SLCO2A1: variants seen among roughly 807,000 people sequenced by gnomAD.
The protein encoded by SLCO2A1 is solute carrier organic anion transporter family member 2A1, also known as matrin F/G 1.
SLCO2A1 carries 60 observed loss-of-function variants against 71.7 expected under a neutral mutation model. That is an observed-to-expected ratio of 0.84 (90% confidence interval 0.68 to 1.04). The LOEUF (loss-of-function observed/expected upper bound fraction) is 1.04. Among genes scored for constraint, SLCO2A1 ranks in the 50% least tolerant of loss-of-function variants. The pLI, the probability that SLCO2A1 is intolerant of heterozygous loss-of-function variation, is 0.00. For synonymous variants in SLCO2A1, 308 were observed against 326.7 expected, an observed-to-expected ratio of 0.94 and a Z score of 0.62; for missense variants, 745 against 813.4, an observed-to-expected ratio of 0.92 and a Z score of 1.02.
chr3:133,942,760 C>A lies in SLCO2A1; in HGVS notation c.1470G>T (p.Leu490Phe). 6.2e-7 allele frequency: 1 copy of A among 1,601,550 alleles called. No individual in the cohort carries two copies. Among genetic ancestry groups the A allele is most frequent in the Non-Finnish European group, 8.5e-7 (1 of 1,173,568 alleles). Residue 490 changes from leucine (L) to phenylalanine (F), a missense_variant, in exon 11 of 14, where the codon TTG (leucine) becomes TTT (phenylalanine). Physicochemically the swap from Leu to Phe is conservative, Grantham distance 22 (BLOSUM62 0). Transcript: ENST00000310926. ...SSATSKQLIY[L>F]NCSCVTGGSA... ...ATCCCCCGGTCACACAGCTGCAGTT[C>A]AAATAGATCTTCAAGAGGAAGGGGA...
intron 1 of SLCO2A1, among the ~76,000 whole-genome samples, chr3:133,987,709 G>C (rs1019663701): frequency 3.9e-5 from 6 of 152,214 alleles, no homozygotes; most frequent in African/African-American, 7.2e-5. Flanking sequence ...AAATATCTTA[G>C]AGTTTGACTC....
At chr3:134,004,260 T>G (rs151267395) in intron 1 of SLCO2A1, among the ~76,000 whole-genome samples, 18 of 152,356 alleles carry the variant, frequency 1.2e-4, no homozygotes, top group Non-Finnish European at 2.2e-4. Flanking sequence ...GGATTTTGTA[T>G]ATGTGATTAA....
In SLCO2A1 at chr3:134,029,704, C is replaced by T. The variant is rs1260140648; in HGVS notation, c.96+3G>A. The T allele has an allele frequency of 2.5e-6, 4 of 1,584,406 alleles. No homozygotes were observed. Among genetic ancestry groups the T allele is most frequent in the Non-Finnish European group, 2.6e-6 (3 of 1,170,070 alleles). On this transcript the variant is annotated splice_donor_region_variant and intron_variant, in intron 1 of 13. Transcript: ENST00000310926. ...CCCGGAAGACCCCGCGGACTCCGCTCACCTTAATGTTGCCGAAGACCGAGC... is the reference window on the plus strand; with the variant it reads ...CCCGGAAGACCCCGCGGACTCCGCTTACCTTAATGTTGCCGAAGACCGAGC...
chr3:133,954,213 A>AGAGC (rs970368982), intron 4 of SLCO2A1, among the ~76,000 whole-genome samples: 2 of 134,284 alleles, frequency 1.5e-5, no homozygotes, highest in African/African-American at 2.9e-5. Flanking sequence ...CCCATGCTGG[A>AGAGC]GAGCAATGGT....
At position 133,948,529 on chromosome 3, in the gene SLCO2A1, G is replaced by A. The variant is rs1438546445; in HGVS notation, c.1105+7C>T. The A allele has an allele frequency of 6.2e-7, 1 of 1,612,068 alleles. No homozygotes were observed. Among genetic ancestry groups the A allele is most frequent in the Non-Finnish European group, 8.5e-7 (1 of 1,179,072 alleles). On this transcript the variant is annotated splice_region_variant and intron_variant, in intron 8 of 13. Transcript: ENST00000310926. ...CCTGCGGATCCTGCAGCACCCTCTG[G>A]GCTCACCAATGAGGAAGTTGGCATA... is the stretch of plus-strand genomic sequence containing the variant.
intron 4 of SLCO2A1, among the ~76,000 whole-genome samples, chr3:133,954,607 G>T (rs1442478958): frequency 1.3e-5 from 2 of 152,216 alleles, no homozygotes; most frequent in Non-Finnish European, 1.5e-5. Flanking sequence ...TGAAGGACTA[G>T]TCAGAGAGCA....
Position 133,968,096 on chromosome 3 carries a change from C to T in SLCO2A1, c.397+5567G>A, listed in dbSNP as rs551362966. On this transcript the variant is annotated intron_variant, in intron 3 of 13. Coordinates refer to ENST00000310926, the MANE Select transcript of SLCO2A1 (RefSeq NM_005630.3). Reference sequence around the variant, plus strand: ...CCTTCCCCTTCACATACACCCCAACCCTCACCCCACAACTCCACTCACACA... The same window carrying T: ...CCTTCCCCTTCACATACACCCCAACTCTCACCCCACAACTCCACTCACACA... 1.5e-4 allele frequency among the ~76,000 whole-genome samples: 22 copies of T among 145,374 alleles called. No homozygotes were observed. The South Asian group carries it at 4.8e-3, about 32-fold the overall frequency.
rs376226385 is a variant in SLCO2A1 at position 133,938,386 on chromosome 3, C to T, written c.1690+43G>A. The T allele has an allele frequency of 4.0e-5, 62 of 1,549,892 alleles. No individual in the cohort carries two copies. In the South Asian group the frequency reaches 5.0e-4, roughly 13 times the overall value. On this transcript the variant is annotated intron_variant, in intron 12 of 13. Transcript: ENST00000310926. The stretch of plus-strand genomic sequence containing the variant: ...CACCCATAGCCTTCAGATGCCCCAT[C>T]GCCTGGGGCCACTTCTTGGGAAGAG...
intron 13 of SLCO2A1, among the ~76,000 whole-genome samples, chr3:133,935,492 T>G (rs1334750458): frequency 1.3e-5 from 2 of 152,228 alleles, no homozygotes; most frequent in African/African-American, 2.4e-5. Flanking sequence ...TTCTTTCTGC[T>G]GCTGCCCCTT....
chr3:133,989,975 C>T (rs1384560210), intron 1 of SLCO2A1, among the ~76,000 whole-genome samples: 2 of 146,330 alleles, frequency 1.4e-5, no homozygotes, highest in African/African-American at 5.1e-5. Context: ...CACAAACCTT[C>T]ACACTGTGTG....
At position 133,983,055 on chromosome 3, in the gene SLCO2A1, G is replaced by T. The variant is rs531427774; in HGVS notation, c.97-3437C>A. Among the ~76,000 whole-genome samples the T allele has an allele frequency of 9.5e-4, 144 of 152,200 alleles. 1 individual carries two copies. The highest frequency in any genetic ancestry group is 3.3e-3 in the African/African-American group (138 of 41,534). On this transcript the variant is annotated intron_variant, in intron 1 of 13. Transcript: ENST00000310926. ...CCCATCCACATACACCTCTTACAATGACACTCTATCAAGGGGTGGGTTCTG... is the reference window on the plus strand; with the variant it reads ...CCCATCCACATACACCTCTTACAATTACACTCTATCAAGGGGTGGGTTCTG...
chr3:133,978,890 A>C (rs1308713005), intron 2 of SLCO2A1, among the ~76,000 whole-genome samples: 1 of 152,016 alleles, frequency 6.6e-6, no homozygotes, highest in African/African-American at 2.4e-5. Flanking sequence ...TCTAACTTTG[A>C]TATGCAGTCA....
chr3:133,973,559 C>A, intron 3 of SLCO2A1, 104 bp downstream of exon 3: 1 of 1,208,800 alleles, frequency 8.3e-7, no homozygotes, highest in South Asian at 1.4e-5. Flanking sequence ...CTTCATATGC[C>A]CTCTTCCTGG....
At chr3:134,026,645 G>C (rs908726280) in intron 1 of SLCO2A1, among the ~76,000 whole-genome samples, 2 of 152,146 alleles carry the variant, frequency 1.3e-5, no homozygotes, top group Non-Finnish European at 2.9e-5. Context: ...GTTACAAGCT[G>C]TCTTAAAAAT....
rs1261600702 is a variant in SLCO2A1, at chr3:133,933,225, C to T, written c.*1488G>A. 1 of 152,244 alleles carries T rather than the reference C, an allele frequency of 6.6e-6. No individual in the cohort carries two copies. Among genetic ancestry groups the T allele is most frequent in the Non-Finnish European group, 1.5e-5 (1 of 68,140 alleles). 9.4% of individuals were successfully genotyped at this position (152,244 alleles called of 1,614,324 possible). On this transcript the variant is annotated 3_prime_UTR_variant, in exon 14 of 14. Coordinates refer to ENST00000310926, the MANE Select transcript of SLCO2A1 (RefSeq NM_005630.3). ...GAGCTGTCTGGCAAAGGGCCAGGTG[C>T]AGAGTCAGTCTGGGGGCCATGGATG...
At chr3:133,946,163 C>T (rs146375806) in intron 9 of SLCO2A1, among the ~76,000 whole-genome samples, 8 of 151,948 alleles carry the variant, frequency 5.3e-5, no homozygotes, top group African/African-American at 1.7e-4. Flanking sequence ...GAGCTCCCTA[C>T]CCCGAGCAAC....
intron 1 of SLCO2A1, among the ~76,000 whole-genome samples, chr3:133,983,253 C>T (rs148303037): frequency 1.3e-5 from 2 of 152,308 alleles, no homozygotes; most frequent in Non-Finnish European, 2.9e-5. Context: ...GCCCAGTCTT[C>T]CTTACTCATG....
intron 3 of SLCO2A1, among the ~76,000 whole-genome samples, chr3:133,959,990 C>T (rs534599666): frequency 6.6e-6 from 1 of 151,986 alleles, no homozygotes; most frequent in Non-Finnish European, 1.5e-5. Context: ...CATGGTGGCT[C>T]GCACTTGTAG....
chr3:134,006,119 C>T (rs1315576868), intron 1 of SLCO2A1, among the ~76,000 whole-genome samples: 2 of 152,088 alleles, frequency 1.3e-5, no homozygotes, highest in African/African-American at 4.8e-5. Flanking sequence ...TGCAGTGGTG[C>T]AATCATGGCT....
Sources: allele counts gnomAD v4.1 joint callset (sites outside exome capture counted in the v4.1 genomes callset), GRCh38; gene constraint gnomAD v4.1.1; transcripts MANE v1.5; gene names NCBI Gene and HGNC (gene_info 2026-07-23, HGNC 2026-07-21).